Variants in CTIF observed in about 807,000 individuals in gnomAD.
CTIF encodes CBP80/20-dependent translation initiation factor.
Under a neutral mutation model 66.0 loss-of-function variants are expected in CTIF, and 21 were observed. The observed-to-expected ratio is 0.32, with a 90% CI of 0.23 to 0.46. The LOEUF is 0.46. Among genes scored for constraint, CTIF ranks in the 20% least tolerant of loss-of-function variants. CTIF has a pLI of 1.00. For synonymous variants in CTIF, 345 were observed against 326.4 expected (o/e 1.06, Z -0.62); for missense variants, 739 against 812.7 (o/e 0.91, Z 1.10).
intron 5 of CTIF, among the ~76,000 whole-genome samples, chr18:48,668,898 T>C (rs909256359): frequency 7.2e-5 from 11 of 151,890 alleles, no homozygotes; most frequent in African/African-American, 2.4e-4. Flanking sequence ...TGTGCACTGT[T>C]TACACCTGGG....
chr18:48,723,226 C>G (rs1278123700), intron 7 of CTIF, among the ~76,000 whole-genome samples: 5 of 152,134 alleles, frequency 3.3e-5, no homozygotes, highest in Non-Finnish European at 7.4e-5. Flanking sequence ...CCCTGTTAAC[C>G]ACCTGATCAA....
At position 48,698,104 on chromosome 18, in the gene CTIF, TAAAAAAAAAAAAAAAAAA is replaced by T. The variant is rs527429582; in HGVS notation, c.508-13495_508-13478del. On this transcript the variant is annotated intron_variant, in intron 6 of 11. Transcript: ENST00000256413. ...ACTCAGTGGAAAATGTAGCCATCATTAAAAAAAAAAAAAAAAAAAAAAAAAAAAAAAAAAAAAGCAAAC... is the reference window on the plus strand; with the variant it reads ...ACTCAGTGGAAAATGTAGCCATCATTAAAAAAAAAAAAAAAAAAAGCAAAC... Among the ~76,000 whole-genome samples the T allele has an allele frequency of 7.6e-3, 99 of 13,070 alleles. 1 individual carries two copies. The highest frequency in any genetic ancestry group is 0.042 in the East Asian group (13 of 310). 8.6% of individuals were successfully genotyped at this position (13,070 alleles called of 152,430 possible).
chr18:48,818,955 T>C (rs1353045770), intron 10 of CTIF, among the ~76,000 whole-genome samples: 2 of 152,168 alleles, frequency 1.3e-5, no homozygotes, highest in Non-Finnish European at 2.9e-5. Flanking sequence ...AAGGGGCATC[T>C]TTATGGTTTT....
intron 10 of CTIF, among the ~76,000 whole-genome samples, chr18:48,857,225 C>T (rs1485542708): frequency 6.6e-6 from 1 of 152,340 alleles, no homozygotes; most frequent in Non-Finnish European, 1.5e-5. Context: ...AATTTCATTT[C>T]CCTGAGGACT....
intron 9 of CTIF, among the ~76,000 whole-genome samples, chr18:48,762,185 A>G (rs950218653): frequency 2.0e-5 from 3 of 152,212 alleles, no homozygotes; most frequent in African/African-American, 7.2e-5. Context: ...CCAACACACT[A>G]TGGCTCCTGG....
chr18:48,845,659 T>C (rs943904593), intron 10 of CTIF, among the ~76,000 whole-genome samples: 3 of 152,166 alleles, frequency 2.0e-5, no homozygotes, highest in Admixed American at 6.5e-5. Context: ...GATCCCAGAT[T>C]ACCATTCTCC....
intron 10 of CTIF, among the ~76,000 whole-genome samples, chr18:48,847,671 A>G (rs1599158927): frequency 6.6e-6 from 1 of 152,244 alleles, no homozygotes; most frequent in Admixed American, 6.5e-5. Context: ...CAAGCTTTGC[A>G]CTTATCAAAG....
chr18:48,576,858 C>G (rs2089544721), intron 1 of CTIF, among the ~76,000 whole-genome samples: 1 of 152,232 alleles, frequency 6.6e-6, no homozygotes, highest in Admixed American at 6.5e-5. Context: ...TTTTGGTTTT[C>G]TGGGCTTCGC....
intron 1 of CTIF, among the ~76,000 whole-genome samples, chr18:48,555,965 C>T (rs1024181508): frequency 1.3e-5 from 2 of 152,206 alleles, no homozygotes; most frequent in African/African-American, 2.4e-5. Flanking sequence ...AAATGTGTAT[C>T]AAAAGTTTCC....
At chr18:48,850,875 T>C (rs1181420074) in intron 10 of CTIF, among the ~76,000 whole-genome samples, 1 of 152,180 alleles carries the variant, frequency 6.6e-6, no homozygotes, top group African/African-American at 2.4e-5. Context: ...AGCAGGTGTG[T>C]GTGGGGAGGA....
At chr18:48,619,893 G>A (rs1039500049) in intron 2 of CTIF, 148 bp downstream of exon 2, 2 of 825,530 alleles carry the variant, frequency 2.4e-6, no homozygotes, top group Non-Finnish European at 3.5e-6. Context: ...AATCTGGCAG[G>A]TGGGCTTTGG....
chr18:48,784,535 G>C (rs1027163666), intron 9 of CTIF, among the ~76,000 whole-genome samples: 1 of 152,138 alleles, frequency 6.6e-6, no homozygotes, highest in African/African-American at 2.4e-5. Context: ...AGGTTTGTAA[G>C]GATGGAGGTG....
Position 48,663,832 on chromosome 18 carries a change from T to A in CTIF, c.326+7T>A, listed in dbSNP as rs2091388387. The stretch of plus-strand genomic sequence containing the variant: ...ACACCTTCGATTCCTTCAGGTAACC[T>A]CCTCCTCCCTCCTTCCCTGTGGTGT... On this transcript the variant is annotated splice_region_variant and intron_variant, in intron 4 of 11. Transcript: ENST00000256413. 12 of 1,612,918 alleles carry A rather than the reference T, an allele frequency of 7.4e-6. No homozygotes were observed. Among genetic ancestry groups the A allele is most frequent in the Non-Finnish European group, 8.5e-6 (10 of 1,178,912 alleles).
At chr18:48,658,349 T>C (rs1283146285) in intron 3 of CTIF, among the ~76,000 whole-genome samples, 1 of 152,060 alleles carries the variant, frequency 6.6e-6, no homozygotes, top group Non-Finnish European at 1.5e-5. Flanking sequence ...GCATGTAGCA[T>C]GTGATGTGCA....
At chr18:48,733,204 A>G (rs996462550) in intron 7 of CTIF, among the ~76,000 whole-genome samples, 1 of 150,980 alleles carries the variant, frequency 6.6e-6, no homozygotes, top group African/African-American at 2.4e-5. Flanking sequence ...AAGTTTGTGG[A>G]TTATAGATAA....
intron 9 of CTIF, among the ~76,000 whole-genome samples, chr18:48,763,660 C>T (rs1323005453): frequency 6.6e-6 from 1 of 152,236 alleles, no homozygotes; most frequent in Admixed American, 6.5e-5. Context: ...GGATTCCAGA[C>T]CTGATTCGTT....
At chr18:48,561,558 C>T (rs1599144635) in intron 1 of CTIF, among the ~76,000 whole-genome samples, 1 of 152,154 alleles carries the variant, frequency 6.6e-6, no homozygotes, top group East Asian at 1.9e-4. Flanking sequence ...CTGCTGGGGG[C>T]TGCAGAGATG....
chr18:48,616,046 G>T (rs536671760), intron 1 of CTIF, among the ~76,000 whole-genome samples: 1 of 152,196 alleles, frequency 6.6e-6, no homozygotes, highest in Non-Finnish European at 1.5e-5. Flanking sequence ...AGACACTCGG[G>T]CATGTTTGGG....
In CTIF at chr18:48,824,770, A is replaced by G. The variant is rs918017671; in HGVS notation, c.1527+7394A>G. Among the ~76,000 whole-genome samples, 68 of 151,998 alleles carry G rather than the reference A, an allele frequency of 4.5e-4. 1 individual carries two copies. Among genetic ancestry groups the G allele is most frequent in the Non-Finnish European group, 8.7e-4 (59 of 67,984 alleles). ...ATTCTTCTGCCTCAGCCTCTCAAGG[A>G]GCTGGGATTACAGACGTCCGCCACC... On this transcript the variant is annotated intron_variant, in intron 10 of 11. Transcript: ENST00000256413.
Sources: allele counts gnomAD v4.1 joint callset (sites outside exome capture counted in the v4.1 genomes callset), GRCh38; gene constraint gnomAD v4.1.1; transcripts MANE v1.5; gene names NCBI Gene and HGNC (gene_info 2026-07-23, HGNC 2026-07-21).